The following NEK9 variants were observed in gnomAD, a reference collection of about 807,000 sequenced individuals.
NEK9 encodes the protein NIMA related kinase 9, also known as serine/threonine-protein kinase Nek9.
NEK9 carries 75 observed loss-of-function variants against 123.4 expected under a neutral mutation model. That is an observed-to-expected ratio of 0.61 (90% CI 0.50 to 0.74). The LOEUF (loss-of-function observed/expected upper bound fraction) is 0.74, where lower values mean the gene tolerates loss of function less well. Among genes scored for constraint, NEK9 ranks in the 30% least tolerant of loss-of-function variants. The pLI is 0.00. For missense variants in NEK9, 952 were observed against 1,214.4 expected (o/e 0.78, Z 3.21); for synonymous variants, 438 against 458.7 (o/e 0.95, Z 0.58).
chr14:75,108,058 T>C (rs1894835466), intron 10 of NEK9, among the ~76,000 whole-genome samples: 1 of 152,094 alleles, frequency 6.6e-6, no homozygotes, highest in Non-Finnish European at 1.5e-5. Context: ...GGAAGAGTTA[T>C]AAAGAATCTG....
intron 16 of NEK9, among the ~76,000 whole-genome samples, 153 bp from the exon 17 acceptor site, chr14:75,097,423 T>C (rs1235231767): frequency 2.6e-5 from 4 of 152,244 alleles, no homozygotes; most frequent in Non-Finnish European, 5.9e-5. Context: ...GCTTAAACTC[T>C]TCCTGATTCC....
intron 16 of NEK9, among the ~76,000 whole-genome samples, chr14:75,098,821 C>A (rs1274566256): frequency 6.6e-6 from 1 of 152,212 alleles, no homozygotes; most frequent in Non-Finnish European, 1.5e-5. Flanking sequence ...AAGTCATGAA[C>A]TACACAGATC....
intron 6 of NEK9, 87 bp from the exon 7 acceptor site, chr14:75,114,400 C>A: frequency 9.7e-7 from 1 of 1,028,892 alleles, no homozygotes. Flanking sequence ...TGTCTGTGAC[C>A]ATTATTTAAA....
At chr14:75,092,430 C>G (rs989974005) in intron 18 of NEK9, among the ~76,000 whole-genome samples, 48 of 152,050 alleles carry the variant, frequency 3.2e-4, no homozygotes, top group African/African-American at 1.0e-3. Flanking sequence ...CCATGCCTGG[C>G]TAATTTTTGT....
At chr14:75,116,939 CG>C (rs1895161480) in intron 6 of NEK9, among the ~76,000 whole-genome samples, 2 of 152,046 alleles carry the variant, frequency 1.3e-5, no homozygotes, top group South Asian at 4.1e-4. Flanking sequence ...CTAATGGAGA[CG>C]GGGTTTCACC....
At position 75,114,310 on chromosome 14, in the gene NEK9, G is replaced by T; in HGVS notation, c.766C>A (p.Pro256Thr). Residue 256 changes from proline to threonine, a missense_variant, in exon 7 of 22, where the codon CCA (proline) becomes ACA (threonine). By Grantham distance (38) the Pro-to-Thr change is conservative (BLOSUM62 -1). Transcript: ENST00000238616. Reference sequence around the variant, plus strand: ...ACGATCTTCACACACAGGTTAAGTGGGTTCTATGAGAAAATGATGACTGCA... The same window carrying T: ...ACGATCTTCACACACAGGTTAAGTGTGTTCTATGAGAAAATGATGACTGCA... ...TLKRTFDATNPLNLCVKIVQG... is the reference protein window; with the variant it reads ...TLKRTFDATNTLNLCVKIVQG... The T allele has an allele frequency of 6.2e-7, 1 of 1,611,740 alleles. No individual in the cohort carries two copies. The highest frequency in any genetic ancestry group is 8.5e-7 in the Non-Finnish European group (1 of 1,177,908).
Position 75,082,549 on chromosome 14 carries a change from G to C in NEK9, c.*2015C>G, listed in dbSNP as rs1893896085. 1 of 158,052 alleles carries C rather than the reference G, an allele frequency of 6.3e-6. No individual in the cohort carries two copies. The highest frequency in any genetic ancestry group is 2.4e-5 in the African/African-American group (1 of 41,700). The allele number at this position is 158,052 out of a possible 1,614,324, so 9.8% of individuals were successfully genotyped here. The stretch of plus-strand genomic sequence containing the variant: ...AAATCTAGACTTCCCAAGGGAATAT[G>C]CTAGAGAAAATGACCACAGCGTTCC... On this transcript the variant is annotated 3_prime_UTR_variant, in exon 22 of 22. Coordinates refer to ENST00000238616, the MANE Select transcript of NEK9 (RefSeq NM_033116.6).
intron 9 of NEK9, 71 bp downstream of exon 9, chr14:75,110,250 C>T: frequency 2.5e-6 from 3 of 1,178,948 alleles, no homozygotes; most frequent in Non-Finnish European, 2.5e-6. Context: ...CAAATAATGC[C>T]TACACTCAAG....
chr14:75,120,729 G>A, intron 3 of NEK9, 149 bp from the exon 4 acceptor site: 1 of 637,188 alleles, frequency 1.6e-6, no homozygotes. Flanking sequence ...GGTTGAGTAG[G>A]CAAAGAAAAG....
Position 75,107,381 on chromosome 14 carries a change from T to C in NEK9, c.1289A>G (p.Gln430Arg), listed in dbSNP as rs1482155643. 1 of 1,614,044 alleles carries C rather than the reference T, an allele frequency of 6.2e-7. No individual in the cohort carries two copies. Residue 430 changes from glutamine (Q) to arginine (R), a missense_variant, in exon 11 of 22, where the codon CAG (glutamine) becomes CGG (arginine). By Grantham distance (43) the Gln-to-Arg change is conservative. Coordinates refer to ENST00000238616, the MANE Select transcript of NEK9 (RefSeq NM_033116.6). ...VEKLQGKAIR[Q>R]VSCGDDFTVC... ...AGTGAAATCATCACCACATGACACC[T>C]GACGGATAGCTTTGCCTTGCAACTT...
chr14:75,122,815 A>G (rs1405466123), intron 2 of NEK9, among the ~76,000 whole-genome samples: 5 of 34,288 alleles, frequency 1.5e-4, no homozygotes, highest in Admixed American at 6.2e-4. Context: ...TTTTTTTTTG[A>G]GACAGGGTCT....
At chr14:75,111,068 C>T (rs902542556) in intron 8 of NEK9, among the ~76,000 whole-genome samples, 6 of 152,174 alleles carry the variant, frequency 3.9e-5, no homozygotes, top group Non-Finnish European at 8.8e-5. Flanking sequence ...CCAAATAACT[C>T]TTCCTTAGGT....
Position 75,126,724 on chromosome 14 carries a change from G to T in NEK9, c.198C>A (p.Ala66=). Residue 66 remains alanine (A), a synonymous_variant, in exon 1 of 22, where the codon GCC becomes GCA. Coordinates refer to ENST00000238616, the MANE Select transcript of NEK9 (RefSeq NM_033116.6). ...RVLGRGAFGE[A]TLYRRTEDDS... ...CTACCTCGGTGCGGCGGTACAGCGT[G>T]GCTTCCCCGAAGGCGCCGCGGCCCA... 2 of 1,479,370 alleles carry T rather than the reference G, an allele frequency of 1.4e-6. No individual in the cohort carries two copies. Among genetic ancestry groups the T allele is most frequent in the Non-Finnish European group, 9.0e-7 (1 of 1,115,694 alleles). 91.6% of individuals were successfully genotyped at this position (1,479,370 alleles called of 1,614,324 possible).
chr14:75,126,737 G>A lies in NEK9; in HGVS notation c.185C>T (p.Ala62Val). ...YIPIRVLGRG[A>V]FGEATLYRRT... The stretch of plus-strand genomic sequence containing the variant: ...GCGGTACAGCGTGGCTTCCCCGAAG[G>A]CGCCGCGGCCCAGGACGCGGATGGG... Residue 62 changes from alanine (A) to valine (V), a missense_variant, in exon 1 of 22, where the codon GCC (alanine) becomes GTC (valine). Around this residue, in one of 4 missense-constraint regions of NEK9, gnomAD observed 120 missense variants for 97.6 expected, o/e 1.23. Transcript: ENST00000238616. The A allele has an allele frequency of 1.3e-6, 2 of 1,488,600 alleles. No individual in the cohort carries two copies. Among genetic ancestry groups the A allele is most frequent in the Non-Finnish European group, 1.8e-6 (2 of 1,120,174 alleles). 92.2% of individuals were successfully genotyped at this position (1,488,600 alleles called of 1,614,324 possible).
intron 18 of NEK9, 84 bp from the exon 19 acceptor site, chr14:75,091,562 A>G (rs1894219040): frequency 8.2e-7 from 1 of 1,213,502 alleles, no homozygotes; most frequent in South Asian, 1.8e-5. Flanking sequence ...TTACCCTGGA[A>G]AGGTGCCTAT....
chr14:75,110,258 A>G, intron 9 of NEK9, 63 bp downstream of exon 9: 1 of 1,314,772 alleles, frequency 7.6e-7, no homozygotes, highest in Non-Finnish European at 1.1e-6. Context: ...GCCTACACTC[A>G]AGAAAGAACC....
intron 8 of NEK9, among the ~76,000 whole-genome samples, chr14:75,111,892 G>A (rs1894969650): frequency 6.6e-6 from 1 of 151,938 alleles, no homozygotes; most frequent in South Asian, 2.1e-4. Context: ...CTCTCATAAA[G>A]TAAATAAAAG....
intron 8 of NEK9, 143 bp downstream of exon 8, chr14:75,113,196 G>T: frequency 1.4e-6 from 1 of 699,084 alleles, no homozygotes. Context: ...CCACCCCTAA[G>T]CAATAAAAGC....
At chr14:75,124,661 T>C (rs1895457559) in intron 1 of NEK9, among the ~76,000 whole-genome samples, 1 of 152,138 alleles carries the variant, frequency 6.6e-6, no homozygotes, top group African/African-American at 2.4e-5. Context: ...AAATTTAGAC[T>C]TCCCTAGTGA....
Sources: gnomAD v4.1 joint callset for allele counts (sites outside exome capture counted in the v4.1 genomes callset) on GRCh38, gnomAD v4.1.1 for gene constraint, gnomAD v4.1.1 regional missense constraint, MANE v1.5 for transcripts, NCBI Gene and HGNC (gene_info 2026-07-23, HGNC 2026-07-21) for gene names.